The following DDX51 variants were observed in gnomAD, a reference collection of about 807,000 sequenced individuals.
DDX51 encodes the protein DEAD-box helicase 51, also known as ATP-dependent RNA helicase DDX51.
In DDX51, 67 loss-of-function variants were observed where a neutral mutation model predicts 74.6. The observed-to-expected ratio is 0.90, with a 90% CI of 0.74 to 1.10. The LOEUF (loss-of-function observed/expected upper bound fraction) is 1.10. DDX51 is among the 50% of genes least tolerant of loss of function. DDX51 has a pLI of 0.00. For synonymous variants in DDX51, 545 were observed against 402.9 expected (o/e 1.35, Z -4.22); for missense variants, 1,056 against 905.2 (o/e 1.17, Z -2.14).
Position 132,141,522 on chromosome 12 carries a change from G to A in DDX51, c.1080C>T (p.Phe360=). ...CCAGGAAGCGGAGCTGCTGGAGGCT[G>A]AATCCTGGGGTCTGGTCGATGTGGT... ...LVDHIDQTPG[F]SLQQLRFLII... The change falls in exon 7 of 15, where the codon TTC becomes TTT. Residue 360 remains phenylalanine (F), a synonymous_variant. Coordinates refer to ENST00000397333, the MANE Select transcript of DDX51 (RefSeq NM_175066.4). The A allele has an allele frequency of 3.1e-6, 5 of 1,600,042 alleles. No homozygotes were observed. The highest frequency in any genetic ancestry group is 4.3e-6 in the Non-Finnish European group (5 of 1,176,116).
chr12:132,142,197 G>GGGAAGGAGCGCCTGCGTC lies in DDX51; in HGVS notation c.817-25_817-8dup, dbSNP rs1897492029. On this transcript the variant is annotated splice_polypyrimidine_tract_variant and splice_region_variant and intron_variant, in intron 4 of 14. Transcript: ENST00000397333. ...CCACTCTCGAAAGCAGGGCCTGAGG[G>GGGAAGGAGCGCCTGCGTC]GGAAGGAGCGCCTGCGTCAGCAAGG... 10 of 1,573,204 alleles carry GGGAAGGAGCGCCTGCGTC rather than the reference G, an allele frequency of 6.4e-6. No homozygotes were observed. The highest frequency in any genetic ancestry group is 8.6e-6 in the Non-Finnish European group (10 of 1,157,872).
chr12:132,142,021 C>A, intron 5 of DDX51, 65 bp from the exon 6 acceptor site: 1 of 1,608,442 alleles, frequency 6.2e-7, no homozygotes, highest in Non-Finnish European at 8.5e-7. Flanking sequence ...CAAAAAGGAC[C>A]CCAGATCTAA....
At position 132,136,732 on chromosome 12, in the gene DDX51, C is replaced by G. The variant is rs1194464837; in HGVS notation, c.*2540G>C. 1 of 152,280 alleles carries G rather than the reference C, an allele frequency of 6.6e-6. No homozygotes were observed. The highest frequency in any genetic ancestry group is 1.5e-5 in the Non-Finnish European group (1 of 68,146). The allele number at this position is 152,280 out of a possible 1,614,324, so 9.4% of individuals were successfully genotyped here. A position where few individuals can be genotyped will look rare whatever the true frequency, so the allele number is the denominator to read the frequency against. On this transcript the variant is annotated 3_prime_UTR_variant, in exon 15 of 15. Transcript: ENST00000397333. ...CCAGGCTGCAGTGCAGTGGGCTGAT[C>G]TTGGCCCACTGCAACCTCCACCTCC...
Position 132,143,032 on chromosome 12 carries a change from G to A in DDX51, c.520-154C>T, listed in dbSNP as rs1303287785. 8 of 973,202 alleles carry A rather than the reference G, an allele frequency of 8.2e-6. No individual in the cohort carries two copies. The African/African-American group carries it at 1.3e-4, about 16-fold the overall frequency. The allele number at this position is 973,202 out of a possible 1,614,324, so 60.3% of individuals were successfully genotyped here. ...GGATGCGCTTTCCATACAGCCTTCAGAAGTTAAACAGTAAAAGCAGATGCC... is the reference window on the plus strand; with the variant it reads ...GGATGCGCTTTCCATACAGCCTTCAAAAGTTAAACAGTAAAAGCAGATGCC... On this transcript the variant is annotated intron_variant, in intron 2 of 14. Coordinates refer to ENST00000397333, the MANE Select transcript of DDX51 (RefSeq NM_175066.4).
At position 132,143,755 on chromosome 12, in the gene DDX51, C is replaced by A; in HGVS notation, c.459G>T (p.Ala153=). 1 of 1,525,626 alleles carries A rather than the reference C, an allele frequency of 6.6e-7. No individual in the cohort carries two copies. The highest frequency in any genetic ancestry group is 8.8e-7 in the Non-Finnish European group (1 of 1,139,662). The allele number at this position is 1,525,626 out of a possible 1,614,324, so 94.5% of individuals were successfully genotyped here. The part of the protein sequence containing the change: ...AAPDGPALEE[A]AGPLVPGLVL... ...CCAGGCCGGGGACCAGGGGTCCGGC[C>A]GCCTCCTCCAGGGCCGGTCCATCTG... The change falls in exon 2 of 15, where the codon GCG becomes GCT. Residue 153 remains alanine, a synonymous_variant. Transcript: ENST00000397333.
rs61729150 is a variant in DDX51, at chr12:132,139,889, T to C, written c.1811A>G (p.Gln604Arg). 0.022 allele frequency: 36,065 copies of C among 1,613,162 alleles called. 470 individuals are homozygous for C. Among genetic ancestry groups the C allele is most frequent in the Non-Finnish European group, 0.026 (30,364 of 1,179,980 alleles). ...CACTTTCAGGAGCAGTGTGAAGGCC[T>C]GTCCAGTTTTCCCAGCGCGAGCTGT... ...GRTARAGKTG[Q>R]AFTLLLKVQE... The change falls in exon 13 of 15, where the codon CAG becomes CGG. Residue 604 changes from glutamine to arginine, a missense_variant. By Grantham distance (43) the Gln-to-Arg change is conservative. Transcript: ENST00000397333.
intron 14 of DDX51, 102 bp downstream of exon 14, chr12:132,139,533 C>G: frequency 6.2e-7 from 1 of 1,606,552 alleles, no homozygotes; most frequent in Non-Finnish European, 8.5e-7. Flanking sequence ...CTGTTGCCTT[C>G]TCGCTTTCCT....
chr12:132,139,290 G>T lies in DDX51; in HGVS notation c.1983C>A (p.Arg661=). Residue 661 remains arginine (R), a synonymous_variant, in exon 15 of 15, where the codon CGC becomes CGA. Transcript: ENST00000397333. ...SQLEESVKEE[R]KQRAA is the part of the protein sequence containing the mutation. ...CCCCAGCCTAGGCCGCCCTCTGCTT[G>T]CGCTCTTCCTGTGGAGGAAAGGGGA... 6.2e-7 allele frequency: 1 copy of T among 1,608,912 alleles called. No individual in the cohort carries two copies. Among genetic ancestry groups the T allele is most frequent in the Non-Finnish European group, 8.5e-7 (1 of 1,178,812 alleles).
At position 132,141,427 on chromosome 12, in the gene DDX51, G is replaced by C. The variant is rs572418055; in HGVS notation, c.1105-7C>G. 12 of 1,588,274 alleles carry C rather than the reference G, an allele frequency of 7.6e-6. No homozygotes were observed. The highest frequency in any genetic ancestry group is 1.0e-5 in the Non-Finnish European group (12 of 1,171,986). On this transcript the variant is annotated splice_region_variant and splice_polypyrimidine_tract_variant and intron_variant, in intron 7 of 14. Transcript: ENST00000397333. ...GGTCAGCCTCGTCGATAATCTGCAG[G>C]AGACAGGGAGCCCGGGACTGGGTGG...
chr12:132,141,181 C>G, intron 8 of DDX51, 94 bp downstream of exon 8: 3 of 1,508,658 alleles, frequency 2.0e-6, no homozygotes, highest in Non-Finnish European at 2.6e-6. Context: ...CACCAGAGCT[C>G]AAGCCACCCT....
At chr12:132,140,046 C>T in intron 12 of DDX51, 52 bp downstream of exon 12, 4 of 1,606,546 alleles carry the variant, frequency 2.5e-6, no homozygotes, top group Non-Finnish European at 3.4e-6. Flanking sequence ...CATCAACGCC[C>T]AGGAGCTCAC....
chr12:132,137,598 C>G lies in DDX51; in HGVS notation c.*1674G>C, dbSNP rs1475559481. On this transcript the variant is annotated 3_prime_UTR_variant, in exon 15 of 15. Coordinates refer to ENST00000397333, the MANE Select transcript of DDX51 (RefSeq NM_175066.4). ...ATCCCAGACATTCTTTGCATCTAAG[C>G]TGAGGTCTGAACTGAGTGGGGTGGG... The G allele has an allele frequency of 6.6e-6, 1 of 152,208 alleles. No homozygotes were observed. The highest frequency in any genetic ancestry group is 1.5e-5 in the Non-Finnish European group (1 of 68,048). 9.4% of individuals were successfully genotyped at this position (152,208 alleles called of 1,614,324 possible).
At position 132,141,481 on chromosome 12, in the gene DDX51, C is replaced by G; in HGVS notation, c.1104+17G>C. ...GGCCCTGAGCTCAAAGCCCAGGCCCCTGGGGCGGGGACCTACCAGGAAGCG... is the reference window on the plus strand; with the variant it reads ...GGCCCTGAGCTCAAAGCCCAGGCCCGTGGGGCGGGGACCTACCAGGAAGCG... On this transcript the variant is annotated intron_variant, in intron 7 of 14. Coordinates refer to ENST00000397333, the MANE Select transcript of DDX51 (RefSeq NM_175066.4). The G allele has an allele frequency of 6.3e-7, 1 of 1,583,628 alleles. No homozygotes were observed. Among genetic ancestry groups the G allele is most frequent in the Non-Finnish European group, 8.6e-7 (1 of 1,167,938 alleles).
chr12:132,139,622 C>T lies in DDX51; in HGVS notation c.1974+13G>A, dbSNP rs987089308. 1.2e-6 allele frequency: 2 copies of T among 1,613,158 alleles called. No homozygotes were observed. Among genetic ancestry groups the T allele is most frequent in the Admixed American group, 3.3e-5 (2 of 60,022 alleles). ...TCCCCAGAGGGTTTCATGCCGGACT[C>T]TGGTGCCCTTACCTTGACAGACTCC... On this transcript the variant is annotated intron_variant, in intron 14 of 14. Transcript: ENST00000397333.
At position 132,139,191 on chromosome 12, in the gene DDX51, C is replaced by T; in HGVS notation, c.*81G>A. On this transcript the variant is annotated 3_prime_UTR_variant, in exon 15 of 15. Coordinates refer to ENST00000397333, the MANE Select transcript of DDX51 (RefSeq NM_175066.4). ...ACTGGGGGATTCCTTTCCTCACATA[C>T]AGGATCCAGTGATCAGCACTGCTCT... The T allele has an allele frequency of 6.5e-7, 1 of 1,542,280 alleles. No homozygotes were observed. The highest frequency in any genetic ancestry group is 8.8e-7 in the Non-Finnish European group (1 of 1,140,214).
chr12:132,143,601 C>G, intron 2 of DDX51, 94 bp downstream of exon 2: 1 of 1,469,162 alleles, frequency 6.8e-7, no homozygotes, highest in Non-Finnish European at 9.1e-7. Flanking sequence ...CGGGAACATT[C>G]GCTGAACGAA....
rs1468652954 is a variant in DDX51 at position 132,142,271 on chromosome 12, A to G, written c.816+6T>C. 1 of 1,612,630 alleles carries G rather than the reference A, an allele frequency of 6.2e-7. No individual in the cohort carries two copies. The highest frequency in any genetic ancestry group is 8.5e-7 in the Non-Finnish European group (1 of 1,179,758). ...CGCTGTAGAGAAAGGGGACCCTCAC[A>G]CAGACCTGCACCACAGGGATGACGA... On this transcript the variant is annotated splice_donor_region_variant and intron_variant, in intron 4 of 14. Coordinates refer to ENST00000397333, the MANE Select transcript of DDX51 (RefSeq NM_175066.4).
At position 132,141,369 on chromosome 12, in the gene DDX51, G is replaced by C; in HGVS notation, c.1156C>G (p.Pro386Ala). 1 of 1,598,468 alleles carries C rather than the reference G, an allele frequency of 6.3e-7. No homozygotes were observed. Among genetic ancestry groups the C allele is most frequent in the Non-Finnish European group, 8.5e-7 (1 of 1,179,638 alleles). The change falls in exon 8 of 15, where the codon CCG becomes GCG. Residue 386 changes from proline (P) to alanine (A), a missense_variant. Coordinates refer to ENST00000397333, the MANE Select transcript of DDX51 (RefSeq NM_175066.4). The stretch of plus-strand genomic sequence containing the variant: ...TGGAAGGCGGCCGCCACCACCCGCG[G>C]CAGCCAGGACTGATGCATGCTGTCA... ...MIDSMHQSWLPRVVAAAFQSE... is the reference protein window; with the variant it reads ...MIDSMHQSWLARVVAAAFQSE...
intron 8 of DDX51, 119 bp from the exon 9 acceptor site, chr12:132,141,139 C>T: frequency 1.3e-6 from 2 of 1,493,152 alleles, no homozygotes; most frequent in South Asian, 1.3e-5. Flanking sequence ...AAGGTGGGTC[C>T]AGCTCACGTG....
Sources: gnomAD v4.1 joint callset for allele counts on GRCh38, gnomAD v4.1.1 for gene constraint, MANE v1.5 for transcripts, NCBI Gene and HGNC (gene_info 2026-07-23, HGNC 2026-07-21) for gene names.